EPYC: variants seen among roughly 807,000 people sequenced by gnomAD.
The protein encoded by EPYC is epiphycan.
EPYC carries 28 observed loss-of-function variants against 30.1 expected under a neutral mutation model. The observed-to-expected ratio is 0.93, with a 90% CI of 0.69 to 1.28. EPYC has a LOEUF of 1.28. EPYC is among the 50% of genes most tolerant of loss of function. EPYC has a pLI of 0.00. For synonymous variants in EPYC, 144 were observed against 141.4 expected (o/e 1.02, Z -0.13); for missense variants, 382 against 383.5 (o/e 1.00, Z 0.03).
At chr12:90,973,103 G>A (rs757505388) in intron 3 of EPYC, 123 bp from the exon 4 acceptor site, 48 of 513,656 alleles carry the variant, frequency 9.3e-5, no homozygotes, top group Non-Finnish European at 1.4e-4. Context: ...ATATTTTCTC[G>A]TAATGCTTTC....
At chr12:91,002,322 C>A in intron 2 of EPYC, 79 bp downstream of exon 2, 1 of 1,212,222 alleles carries the variant, frequency 8.2e-7, no homozygotes. Flanking sequence ...AAAACCCAAA[C>A]ATCTATTTGA....
At chr12:90,975,500 T>C (rs1214310968) in intron 3 of EPYC, among the ~76,000 whole-genome samples, 2 of 151,958 alleles carry the variant, frequency 1.3e-5, no homozygotes, top group Non-Finnish European at 2.9e-5. Flanking sequence ...AAAAAGTGAG[T>C]TTGAGTTTTT....
chr12:90,996,027 A>C (rs1877686307), intron 2 of EPYC, among the ~76,000 whole-genome samples: 3 of 151,950 alleles, frequency 2.0e-5, no homozygotes, highest in Admixed American at 2.0e-4. Context: ...CATATGTATG[A>C]AACTTTAAAA....
chr12:90,983,387 G>T (rs914510225), intron 2 of EPYC, among the ~76,000 whole-genome samples: 1 of 152,072 alleles, frequency 6.6e-6, no homozygotes, highest in Non-Finnish European at 1.5e-5. Context: ...TAAACACCGG[G>T]CACCTGTTGG....
chr12:90,979,841 T>C lies in EPYC; in HGVS notation c.166-1579A>G, dbSNP rs1462625880. Among the ~76,000 whole-genome samples the C allele has an allele frequency of 3.9e-5, 6 of 152,178 alleles. No homozygotes were observed. In the East Asian group the frequency reaches 9.6e-4, roughly 24 times the overall value. Reference sequence around the variant, plus strand: ...CAACTTTGCTTGTCCAAAATATATCTAAGTCACAGCTCTATGTTTAGAGAT... The same window carrying C: ...CAACTTTGCTTGTCCAAAATATATCCAAGTCACAGCTCTATGTTTAGAGAT... On this transcript the variant is annotated intron_variant, in intron 2 of 6. Coordinates refer to ENST00000261172, the MANE Select transcript of EPYC (RefSeq NM_004950.5).
chr12:91,001,171 A>G (rs1877813684), intron 2 of EPYC, among the ~76,000 whole-genome samples: 2 of 151,970 alleles, frequency 1.3e-5, no homozygotes, highest in Admixed American at 1.3e-4. Context: ...AGGGGAGTAG[A>G]TTTTTAAAAT....
chr12:90,983,384 C>G (rs900399605), intron 2 of EPYC, among the ~76,000 whole-genome samples: 1 of 152,110 alleles, frequency 6.6e-6, no homozygotes, highest in African/African-American at 2.4e-5. Context: ...GGCTAAACAC[C>G]GGGCACCTGT....
chr12:90,995,993 A>G (rs1169339986), intron 2 of EPYC, among the ~76,000 whole-genome samples: 1 of 151,942 alleles, frequency 6.6e-6, no homozygotes, highest in East Asian at 1.9e-4. Flanking sequence ...TCTTCTTCCA[A>G]CATAAAGTGT....
At chr12:90,991,337 A>C (rs118039877) in intron 2 of EPYC, among the ~76,000 whole-genome samples, 233 of 152,282 alleles carry the variant, frequency 1.5e-3, no homozygotes, top group Non-Finnish European at 2.9e-3. Flanking sequence ...GGGAAGATCC[A>C]ATGAAAATTA....
intron 5 of EPYC, among the ~76,000 whole-genome samples, chr12:90,971,580 G>A (rs891309856): frequency 2.6e-5 from 4 of 151,878 alleles, no homozygotes; most frequent in Admixed American, 2.0e-4. Context: ...GCTGAGGCAG[G>A]AGGATCATCT....
chr12:90,964,703 AG>A (rs1192751919), intron 6 of EPYC, among the ~76,000 whole-genome samples: 1 of 152,166 alleles, frequency 6.6e-6, no homozygotes, highest in Non-Finnish European at 1.5e-5. Context: ...AAAAAAAACA[AG>A]GGAAGAACAT....
intron 3 of EPYC, among the ~76,000 whole-genome samples, chr12:90,973,248 A>T (rs1290855232): frequency 6.6e-6 from 1 of 152,164 alleles, no homozygotes; most frequent in Admixed American, 6.6e-5. Flanking sequence ...TTTAAACATT[A>T]TTATTGTGCT....
chr12:90,981,066 T>C (rs550293586), intron 2 of EPYC, among the ~76,000 whole-genome samples: 1 of 152,284 alleles, frequency 6.6e-6, no homozygotes, highest in East Asian at 1.9e-4. Flanking sequence ...ACTTATATCA[T>C]GGTAGCCTTT....
Position 91,004,969 on chromosome 12 carries a change from T to C in EPYC, c.-36A>G, listed in dbSNP as rs1877919100. 6.6e-6 allele frequency: 1 copy of C among 152,070 alleles called. No homozygotes were observed. The highest frequency in any genetic ancestry group is 1.5e-5 in the Non-Finnish European group (1 of 68,008). The allele number at this position is 152,070 out of a possible 1,614,324, so 9.4% of individuals were successfully genotyped here. A position where few individuals can be genotyped will look rare whatever the true frequency, so the allele number is the denominator to read the frequency against. On this transcript the variant is annotated 5_prime_UTR_variant, in exon 1 of 7. Transcript: ENST00000261172. ...TACCTTTGGCTCTGACCTGATGAAA[T>C]GGCACAAAGTGACTGAGGATGCAGA...
intron 2 of EPYC, among the ~76,000 whole-genome samples, chr12:90,989,724 C>G (rs1877539246): frequency 6.6e-6 from 1 of 151,968 alleles, no homozygotes; most frequent in African/African-American, 2.4e-5. Flanking sequence ...TACTTCTCTT[C>G]TTACTTCCTT....
At chr12:90,991,961 G>T (rs772128158) in intron 2 of EPYC, among the ~76,000 whole-genome samples, 1 of 152,094 alleles carries the variant, frequency 6.6e-6, no homozygotes, top group Non-Finnish European at 1.5e-5. Flanking sequence ...GGCTCCTGGG[G>T]GCACAGACTT....
At chr12:91,002,014 C>T (rs1253047494) in intron 2 of EPYC, among the ~76,000 whole-genome samples, 1 of 151,340 alleles carries the variant, frequency 6.6e-6, no homozygotes, top group Non-Finnish European at 1.5e-5. Context: ...TGGTGAAATC[C>T]CATCTCTACT....
chr12:91,000,455 C>T (rs1373879332), intron 2 of EPYC, among the ~76,000 whole-genome samples: 3 of 151,956 alleles, frequency 2.0e-5, no homozygotes, highest in Admixed American at 6.6e-5. Context: ...GAAAAATGTC[C>T]GAACCTCATG....
chr12:91,004,843 C>G (rs1041119327), intron 1 of EPYC, 104 bp downstream of exon 1: 8 of 152,014 alleles, frequency 5.3e-5, no homozygotes, highest in African/African-American at 1.9e-4. Context: ...TCCATTGAAT[C>G]AAAATTCACC....
Sources: allele counts gnomAD v4.1 joint callset (sites outside exome capture counted in the v4.1 genomes callset), GRCh38; gene constraint gnomAD v4.1.1; transcripts MANE v1.5; gene names NCBI Gene and HGNC (gene_info 2026-07-23, HGNC 2026-07-21).